SENP7: variants seen among roughly 807,000 people sequenced by gnomAD.
SENP7 encodes the protein sentrin-specific protease 7.
SENP7 carries 64 observed loss-of-function variants against 141.2 expected under a neutral mutation model. The ratio of observed to expected loss-of-function variants is 0.45; its 90% CI spans 0.37 to 0.56. The LOEUF (loss-of-function observed/expected upper bound fraction) is 0.56. Among genes scored for constraint, SENP7 ranks in the 20% least tolerant of loss-of-function variants. The pLI is 0.00. For synonymous variants in SENP7, 382 were observed against 426.4 expected (o/e 0.90, Z 1.28); for missense variants, 1,025 against 1,212.2 (o/e 0.85, Z 2.29).
chr3:101,480,690 G>A (rs1400948465), intron 3 of SENP7, among the ~76,000 whole-genome samples: 5 of 152,016 alleles, frequency 3.3e-5, no homozygotes, highest in African/African-American at 1.2e-4. Flanking sequence ...ATAGAATGAA[G>A]AGACAGTCTA....
In SENP7 at chr3:101,420,910, G is replaced by T. The variant is rs1444942624; in HGVS notation, c.285-3120C>A. ...TCTTCTAGATTAAGAGACTAATGGG[G>T]TATAATAACCAAATACAATGCATGA... On this transcript the variant is annotated intron_variant, in intron 4 of 23. Transcript: ENST00000394095. Among the ~76,000 whole-genome samples the T allele has an allele frequency of 2.6e-5, 4 of 152,054 alleles. No individual in the cohort carries two copies. The East Asian group carries it at 7.7e-4, about 29-fold the overall frequency.
intron 19 of SENP7, 100 bp from the exon 20 acceptor site, chr3:101,330,486 T>C: frequency 1.5e-6 from 1 of 654,038 alleles, no homozygotes; most frequent in East Asian, 3.0e-5. Context: ...AGTTACTGGA[T>C]GCACAGTAAA....
chr3:101,485,532 C>G (rs995276547), intron 3 of SENP7, among the ~76,000 whole-genome samples: 2 of 152,086 alleles, frequency 1.3e-5, no homozygotes, highest in African/African-American at 4.8e-5. Context: ...GTTCAGCTCA[C>G]AGGAAGCCAC....
At chr3:101,358,794 C>T (rs1488712249) in intron 11 of SENP7, 2 of 154,272 alleles carry the variant, frequency 1.3e-5, no homozygotes, top group Non-Finnish European at 2.9e-5. Flanking sequence ...ACCACTATGC[C>T]TGGCTAATTT....
intron 13 of SENP7, 167 bp downstream of exon 13, chr3:101,347,705 A>AG (rs2059502428): frequency 2.6e-6 from 1 of 386,734 alleles, no homozygotes; most frequent in Non-Finnish European, 4.5e-6. Context: ...CTGGGTGACA[A>AG]AGCGAGACTC....
chr3:101,423,030 CT>C (rs2061838058), intron 4 of SENP7, among the ~76,000 whole-genome samples: 1 of 151,974 alleles, frequency 6.6e-6, no homozygotes, highest in East Asian at 1.9e-4. Flanking sequence ...GGAAAATAAA[CT>C]AACAATTGGG....
In SENP7 at chr3:101,326,098, A is replaced by G. The variant is rs1272686235; in HGVS notation, c.3016-18T>C. On this transcript the variant is annotated intron_variant, in intron 23 of 23. Coordinates refer to ENST00000394095, the MANE Select transcript of SENP7 (RefSeq NM_020654.5). ...ATAGGATCCTAATGAGAGGAAAAAA[A>G]GAGTGTAATCACTTTAGCAGCATAA... The G allele has an allele frequency of 5.8e-6, 9 of 1,560,568 alleles. No individual in the cohort carries two copies. Among genetic ancestry groups the G allele is most frequent in the Non-Finnish European group, 6.1e-6 (7 of 1,155,178 alleles).
chr3:101,361,658 A>T, intron 11 of SENP7, 57 bp downstream of exon 11: 1 of 1,450,652 alleles, frequency 6.9e-7, no homozygotes, highest in Non-Finnish European at 9.1e-7. Context: ...AAGGAAAAAA[A>T]TTAAAATGCC....
At chr3:101,474,454 G>A (rs2064134216) in intron 3 of SENP7, among the ~76,000 whole-genome samples, 1 of 152,140 alleles carries the variant, frequency 6.6e-6, no homozygotes, top group Non-Finnish European at 1.5e-5. Flanking sequence ...TTCTGAATGA[G>A]TTCGTTCCTA....
chr3:101,445,765 C>G lies in SENP7; in HGVS notation c.284+13190G>C, dbSNP rs1013757828. 3.9e-5 allele frequency among the ~76,000 whole-genome samples: 6 copies of G among 152,196 alleles called. No homozygotes were observed. In the South Asian group the frequency reaches 1.2e-3, roughly 32 times the overall value. ...ACACACTTATGTCAGACAAAATAGA[C>G]ATTCAGTCAAAAAACTTACAAAGAA... On this transcript the variant is annotated intron_variant, in intron 4 of 23. Transcript: ENST00000394095.
At chr3:101,426,409 C>T (rs1177759162) in intron 4 of SENP7, among the ~76,000 whole-genome samples, 4 of 152,034 alleles carry the variant, frequency 2.6e-5, no homozygotes, top group Non-Finnish European at 5.9e-5. Flanking sequence ...ATTCAATGTT[C>T]TTAAAGAAAA....
At chr3:101,398,190 T>A (rs2107575610) in intron 6 of SENP7, among the ~76,000 whole-genome samples, 1 of 152,356 alleles carries the variant, frequency 6.6e-6, no homozygotes, top group East Asian at 1.9e-4. Flanking sequence ...CCGGGGGCAG[T>A]GGCTCACGCC....
intron 2 of SENP7, among the ~76,000 whole-genome samples, chr3:101,498,698 GCAGGTGTGCC>G (rs1408095919): frequency 6.6e-6 from 1 of 152,202 alleles, no homozygotes; most frequent in Non-Finnish European, 1.5e-5. Flanking sequence ...ATAGTTTAAA[GCAGGTGTGCC>G]CAACCCCCAG....
Position 101,328,459 on chromosome 3 carries a change from T to C in SENP7, c.2864+19A>G. On this transcript the variant is annotated intron_variant, in intron 22 of 23. Transcript: ENST00000394095. ...GGTTTTAGATAACAGACTGGAATGG[T>C]AAAATTGTCATTACTTACTCTCGTA... The C allele has an allele frequency of 1.3e-6, 2 of 1,597,106 alleles. No individual in the cohort carries two copies. Among genetic ancestry groups the C allele is most frequent in the South Asian group, 1.1e-5 (1 of 90,346 alleles).
At chr3:101,436,129 A>T (rs957904970) in intron 4 of SENP7, among the ~76,000 whole-genome samples, 1 of 152,200 alleles carries the variant, frequency 6.6e-6, no homozygotes, top group South Asian at 2.1e-4. Context: ...ATACACCTAC[A>T]GTGAACTCAT....
intron 7 of SENP7, 102 bp downstream of exon 7, chr3:101,371,906 T>A: frequency 2.4e-6 from 1 of 424,476 alleles, no homozygotes; most frequent in Non-Finnish European, 4.0e-6. Context: ...TACTTTCACA[T>A]ATCCTTTCAA....
chr3:101,396,466 C>G (rs2060971984), intron 6 of SENP7, among the ~76,000 whole-genome samples: 1 of 151,346 alleles, frequency 6.6e-6, no homozygotes, highest in Admixed American at 6.6e-5. Context: ...TTTTGCTCAT[C>G]ATTTGACTTA....
At chr3:101,414,382 C>T (rs1466235569) in intron 5 of SENP7, 4 of 904,376 alleles carry the variant, frequency 4.4e-6, no homozygotes, top group Non-Finnish European at 7.5e-6. Context: ...GTGCATCAAG[C>T]ACTGCCATGT....
intron 4 of SENP7, chr3:101,457,147 G>A: frequency 1.2e-6 from 1 of 856,234 alleles, no homozygotes; most frequent in Non-Finnish European, 1.9e-6. Context: ...GATTTTATCA[G>A]ATCCATAAAC....
Sources: gnomAD v4.1 joint callset for allele counts (sites outside exome capture counted in the v4.1 genomes callset) on GRCh38, gnomAD v4.1.1 for gene constraint, MANE v1.5 for transcripts, NCBI Gene and HGNC (gene_info 2026-07-23, HGNC 2026-07-21) for gene names.